AKAP13: variants seen among roughly 807,000 people sequenced by gnomAD.
The protein encoded by AKAP13 is A-kinase anchoring protein 13.
Under a neutral mutation model 264.5 loss-of-function variants are expected in AKAP13, and 80 were observed. The ratio of observed to expected loss-of-function variants is 0.30; its 90% CI spans 0.25 to 0.36. The LOEUF is 0.36. Among genes scored for constraint, AKAP13 ranks in the 10% least tolerant of loss-of-function variants. The probability of loss-of-function intolerance (pLI) is 1.00; values close to 1 mark genes in which losing one functional copy is unlikely to be tolerated. For synonymous variants in AKAP13, 1,380 were observed against 1,250.2 expected (o/e 1.10, Z -2.19); for missense variants, 3,712 against 3,435.2 (o/e 1.08, Z -2.01).
At chr15:85,503,158 A>G (rs982049260) in intron 2 of AKAP13, among the ~76,000 whole-genome samples, 6 of 152,228 alleles carry the variant, frequency 3.9e-5, no homozygotes, top group African/African-American at 1.4e-4. Flanking sequence ...TGTGTAAGAC[A>G]TTTAAGACAC....
At chr15:85,518,124 C>G (rs2076676153) in intron 2 of AKAP13, among the ~76,000 whole-genome samples, 1 of 152,180 alleles carries the variant, frequency 6.6e-6, no homozygotes, top group South Asian at 2.1e-4. Context: ...GCTGGTCTTT[C>G]CCAGGCACAG....
intron 16 of AKAP13, among the ~76,000 whole-genome samples, chr15:85,686,389 A>T (rs2084931530): frequency 6.6e-6 from 1 of 152,184 alleles, no homozygotes; most frequent in African/African-American, 2.4e-5. Context: ...AATATAGCCA[A>T]AGTATTTTAC....
chr15:85,688,031 T>TAA (rs60030351), intron 16 of AKAP13, among the ~76,000 whole-genome samples: 1 of 138,330 alleles, frequency 7.2e-6, no homozygotes, highest in East Asian at 2.1e-4. Context: ...CCCTGTCTCT[T>TAA]AAAAAAAAAA....
chr15:85,619,995 C>A, intron 8 of AKAP13: 1 of 1,507,346 alleles, frequency 6.6e-7, no homozygotes, highest in Non-Finnish European at 8.8e-7. Flanking sequence ...CACCACCTAA[C>A]CGTGAGAAAT....
In AKAP13 at chr15:85,731,594, G is replaced by A. The variant is rs150736664; in HGVS notation, c.7282+887G>A. Among the ~76,000 whole-genome samples, 6 of 152,218 alleles carry A rather than the reference G, an allele frequency of 3.9e-5. No individual in the cohort carries two copies. The East Asian group carries it at 1.2e-3, about 29-fold the overall frequency. On this transcript the variant is annotated intron_variant, in intron 30 of 36. Coordinates refer to ENST00000394518, the MANE Select transcript of AKAP13 (RefSeq NM_007200.5). ...TCAGACTTGATCTCTTTGGTAAATTGTGCCCTTATAGTGTTGTGTTCTTTC... is the reference window on the plus strand; with the variant it reads ...TCAGACTTGATCTCTTTGGTAAATTATGCCCTTATAGTGTTGTGTTCTTTC...
Position 85,684,788 on chromosome 15 carries a change from A to G in AKAP13, c.5204A>G (p.Lys1735Arg). The G allele has an allele frequency of 6.2e-7, 1 of 1,613,884 alleles. No individual in the cohort carries two copies. The highest frequency in any genetic ancestry group is 8.5e-7 in the Non-Finnish European group (1 of 1,179,994). ...TTCCTGCCACATAGCCCCTCCAAGA[A>G]AGATTCTGAATGGAAGAGTGGAACA... is the stretch of plus-strand genomic sequence containing the variant. Reference protein sequence around the residue: ...YNFLPHSPSKKDSEWKSGTKV... With the variant: ...YNFLPHSPSKRDSEWKSGTKV... Residue 1735 changes from lysine to arginine, a missense_variant, in exon 16 of 37, where the codon AAA becomes AGA. By Grantham distance (26) the Lys-to-Arg change is conservative (BLOSUM62 2). Transcript: ENST00000394518.
chr15:85,662,461 ATTG>A, intron 12 of AKAP13: 4 of 1,614,052 alleles, frequency 2.5e-6, no homozygotes, highest in Non-Finnish European at 2.5e-6. Context: ...AAGGTATGAT[ATTG>A]TTATGTGTCC....
intron 1 of AKAP13, among the ~76,000 whole-genome samples, chr15:85,444,100 A>G (rs1416554048): frequency 6.6e-6 from 1 of 152,148 alleles, no homozygotes; most frequent in Admixed American, 6.5e-5. Flanking sequence ...GAGGTGGGAT[A>G]TTTGGACAGT....
chr15:85,529,104 T>C (rs2077170951), intron 3 of AKAP13, among the ~76,000 whole-genome samples: 1 of 152,188 alleles, frequency 6.6e-6, no homozygotes, highest in African/African-American at 2.4e-5. Flanking sequence ...CCCCATGTCT[T>C]TGCAGTGTAA....
At chr15:85,587,520 CAT>C (rs1427998598) in intron 8 of AKAP13, among the ~76,000 whole-genome samples, 62 of 152,132 alleles carry the variant, frequency 4.1e-4, no homozygotes, top group Non-Finnish European at 5.7e-4. Flanking sequence ...ATTATGTGGA[CAT>C]GTTTTTATAT....
intron 13 of AKAP13, among the ~76,000 whole-genome samples, chr15:85,667,857 C>T (rs1012090640): frequency 5.9e-5 from 9 of 152,020 alleles, no homozygotes; most frequent in African/African-American, 1.4e-4. Flanking sequence ...TGGATATTTC[C>T]GGGAATTTGA....
intron 1 of AKAP13, among the ~76,000 whole-genome samples, chr15:85,401,432 C>G (rs961554643): frequency 4.6e-5 from 7 of 152,174 alleles, no homozygotes; most frequent in African/African-American, 1.7e-4. Context: ...CAAAGGACCT[C>G]TGTTTTGGAA....
chr15:85,606,013 T>C (rs150723958), intron 8 of AKAP13, among the ~76,000 whole-genome samples: 1 of 152,098 alleles, frequency 6.6e-6, no homozygotes, highest in African/African-American at 2.4e-5. Flanking sequence ...TATCTGTGTG[T>C]CAGATATTTG....
intron 10 of AKAP13, among the ~76,000 whole-genome samples, chr15:85,648,179 A>C (rs944290926): frequency 1.3e-5 from 2 of 152,256 alleles, no homozygotes; most frequent in Non-Finnish European, 2.9e-5. Flanking sequence ...TAGTATCTCT[A>C]AGTTCCAGCT....
At chr15:85,524,219 C>G (rs999561864) in intron 3 of AKAP13, among the ~76,000 whole-genome samples, 3 of 121,116 alleles carry the variant, frequency 2.5e-5, no homozygotes, top group African/African-American at 6.4e-5. Context: ...GCTCTGTTGC[C>G]CAGGCTGGAA....
At chr15:85,624,364 G>C (rs2081317188) in intron 8 of AKAP13, 1 of 152,106 alleles carries the variant, frequency 6.6e-6, no homozygotes, top group Non-Finnish European at 1.5e-5. Flanking sequence ...CACGACACTT[G>C]GGCAGGCCAC....
At chr15:85,597,650 A>T (rs1401249774) in intron 8 of AKAP13, among the ~76,000 whole-genome samples, 1 of 152,150 alleles carries the variant, frequency 6.6e-6, no homozygotes, top group Non-Finnish European at 1.5e-5. Context: ...GCCTTCTGAT[A>T]CAGATACTTG....
In AKAP13 at chr15:85,585,820, G is replaced by T. The variant is rs769345802; in HGVS notation, c.4158G>T (p.Gln1386His). Reference protein sequence around the residue: ...TLKMKQGPMTQAINRENWCTI... With the variant: ...TLKMKQGPMTHAINRENWCTI... ...AGATGAAGCAAGGCCCAATGACCCA[G>T]GCGGTAAGTGGCATCAGTAAGTCTA... The change falls in exon 8 of 37, where the codon CAG becomes CAT. Residue 1386 changes from glutamine to histidine, a missense_variant. Gln to His is a conservative substitution (Grantham distance 24). Around this residue, in one of 3 missense-constraint regions of AKAP13, gnomAD observed 2,759 missense variants for 2,411.7 expected, o/e 1.14. Coordinates refer to ENST00000394518, the MANE Select transcript of AKAP13 (RefSeq NM_007200.5). The T allele has an allele frequency of 1.1e-5, 17 of 1,613,974 alleles. 1 individual carries two copies. In the South Asian group the frequency reaches 1.9e-4, roughly 18 times the overall value.
chr15:85,440,017 T>C (rs2073563680), intron 1 of AKAP13, among the ~76,000 whole-genome samples: 1 of 151,934 alleles, frequency 6.6e-6, no homozygotes, highest in Non-Finnish European at 1.5e-5. Context: ...AGGTTGTCAC[T>C]GAAAAGTTAA....
Sources: gnomAD v4.1 joint callset for allele counts (sites outside exome capture counted in the v4.1 genomes callset) on GRCh38, gnomAD v4.1.1 for gene constraint, gnomAD v4.1.1 regional missense constraint, MANE v1.5 for transcripts, NCBI Gene and HGNC (gene_info 2026-07-23, HGNC 2026-07-21) for gene names.